Variants in TEX14 observed in about 807,000 individuals in gnomAD.
TEX14 encodes testis expressed 14, intercellular bridge forming factor.
A neutral mutation model predicts 178.6 loss-of-function variants in TEX14; 168 were observed. That is an observed-to-expected ratio of 0.94 (90% CI 0.83 to 1.07). TEX14 has a LOEUF of 1.07. Among genes scored for constraint, TEX14 ranks in the 50% least tolerant of loss-of-function variants. The probability of loss-of-function intolerance (pLI) is 0.00; values close to 1 mark genes in which losing one functional copy is unlikely to be tolerated. For missense variants in TEX14, 1,730 were observed against 1,753.6 expected (o/e 0.99, Z 0.24); for synonymous variants, 626 against 634.1 (o/e 0.99, Z 0.19).
intron 1 of TEX14, among the ~76,000 whole-genome samples, chr17:58,681,355 G>C (rs2047497970): frequency 6.6e-6 from 1 of 152,124 alleles, no homozygotes; most frequent in Admixed American, 6.6e-5. Flanking sequence ...AAAGAATATT[G>C]GGACAAGGAG....
At chr17:58,560,219 T>C (rs2044246731) in intron 29 of TEX14, among the ~76,000 whole-genome samples, 1 of 152,260 alleles carries the variant, frequency 6.6e-6, no homozygotes, top group African/African-American at 2.4e-5. Flanking sequence ...CAAAATAACA[T>C]TGTTTAGGGA....
At chr17:58,601,083 T>TAA (rs879471535) in intron 13 of TEX14, among the ~76,000 whole-genome samples, 3 of 143,386 alleles carry the variant, frequency 2.1e-5, no homozygotes, top group African/African-American at 2.6e-5. Context: ...ACCTCATCTC[T>TAA]AAAAAAAAAA....
rs186859795 is a variant in TEX14 at position 58,604,717 on chromosome 17, C to T, written c.1336+261G>A. Among the ~76,000 whole-genome samples the T allele has an allele frequency of 7.0e-3, 1,067 of 151,608 alleles. 3 individuals carry two copies. The highest frequency in any genetic ancestry group is 0.021 in the Middle Eastern group (6 of 292). On this transcript the variant is annotated intron_variant, in intron 11 of 31. Transcript: ENST00000349033. ...CTGGGACTACAGGCACGTGCCACCA[C>T]GCCCAGCTAATTTTTGTATTTTTAG...
Position 58,613,411 on chromosome 17 carries a change from A to G in TEX14, c.1005+10T>C. 6.2e-7 allele frequency: 1 copy of G among 1,613,998 alleles called. No individual in the cohort carries two copies. The highest frequency in any genetic ancestry group is 1.1e-5 in the South Asian group (1 of 91,062). ...TCAGCAATGGAAAATCCACGGAAAC[A>G]GCAGTTTACTCGTTCATGAAGGACA... is the stretch of plus-strand genomic sequence containing the variant. On this transcript the variant is annotated intron_variant, in intron 9 of 31. Coordinates refer to ENST00000349033, the MANE Select transcript of TEX14 (RefSeq NM_031272.5).
At chr17:58,631,495 G>A (rs1030684391) in intron 2 of TEX14, 1 of 151,698 alleles carries the variant, frequency 6.6e-6, no homozygotes. Flanking sequence ...CACACAAAAA[G>A]CACTCTGCAC....
At position 58,603,362 on chromosome 17, in the gene TEX14, T is replaced by G. The variant is rs562809425; in HGVS notation, c.1337-772A>C. ...CTGAGGTCAGAGGTTGAAACCAGCC[T>G]GGCCAACACAGTGAAATCCCATCCC... On this transcript the variant is annotated intron_variant, in intron 11 of 31. Coordinates refer to ENST00000349033, the MANE Select transcript of TEX14 (RefSeq NM_031272.5). 2.7e-5 allele frequency among the ~76,000 whole-genome samples: 4 copies of G among 150,750 alleles called. No homozygotes were observed. In the South Asian group the frequency reaches 8.4e-4, roughly 32 times the overall value.
At chr17:58,563,723 T>C (rs2044335967) in intron 28 of TEX14, among the ~76,000 whole-genome samples, 1 of 139,380 alleles carries the variant, frequency 7.2e-6, no homozygotes, top group Non-Finnish European at 1.5e-5. Flanking sequence ...TACATATGTA[T>C]GTATATAGAG....
At chr17:58,690,433 T>C (rs1044093132) in intron 1 of TEX14, among the ~76,000 whole-genome samples, 1 of 152,220 alleles carries the variant, frequency 6.6e-6, no homozygotes, top group Non-Finnish European at 1.5e-5. Context: ...CCCAAAGTGC[T>C]TGGATTCCAG....
intron 5 of TEX14, among the ~76,000 whole-genome samples, chr17:58,621,371 C>A (rs1209122755): frequency 6.6e-6 from 1 of 152,220 alleles, no homozygotes; most frequent in Admixed American, 6.5e-5. Flanking sequence ...GCTCCTCAGA[C>A]CTGAGATGTT....
intron 26 of TEX14, among the ~76,000 whole-genome samples, chr17:58,566,036 A>C (rs1174737468): frequency 3.3e-5 from 5 of 152,182 alleles, no homozygotes; most frequent in Admixed American, 2.6e-4. Context: ...TTAGCCCTTC[A>C]TGTGATTCTG....
chr17:58,589,872 G>C (rs975362685), intron 15 of TEX14, among the ~76,000 whole-genome samples: 3 of 151,576 alleles, frequency 2.0e-5, no homozygotes, highest in African/African-American at 2.4e-5. Context: ...GCTAGTTTTT[G>C]TATTTTTGGT....
chr17:58,658,973 C>G (rs1224874317), intron 1 of TEX14, among the ~76,000 whole-genome samples: 1 of 151,782 alleles, frequency 6.6e-6, no homozygotes, highest in Non-Finnish European at 1.5e-5. Context: ...ATTTTTCCAC[C>G]CTTCCTAGAA....
At chr17:58,659,237 G>A (rs71372848) in intron 1 of TEX14, 18 of 560,278 alleles carry the variant, frequency 3.2e-5, no homozygotes, top group East Asian at 2.1e-4. Flanking sequence ...CAAACACATA[G>A]TAAAAACCCT....
chr17:58,577,695 C>T (rs1178765881), intron 20 of TEX14, among the ~76,000 whole-genome samples: 1 of 152,168 alleles, frequency 6.6e-6, no homozygotes, highest in Non-Finnish European at 1.5e-5. Flanking sequence ...ACTCAGAATA[C>T]AATCAAGCTA....
intron 23 of TEX14, 124 bp from the exon 24 acceptor site, chr17:58,572,250 ATT>A: frequency 6.5e-6 from 4 of 617,162 alleles, no homozygotes; most frequent in South Asian, 6.2e-5. Context: ...CTTTTACATT[ATT>A]AAAACAAACA....
intron 28 of TEX14, among the ~76,000 whole-genome samples, chr17:58,563,483 C>T (rs1330250437): frequency 7.3e-5 from 11 of 151,110 alleles, no homozygotes; most frequent in Admixed American, 7.3e-4. Context: ...CAACAAATAA[C>T]CCTATCAAAA....
At chr17:58,652,469 C>T (rs1471953451) in intron 1 of TEX14, among the ~76,000 whole-genome samples, 1 of 152,112 alleles carries the variant, frequency 6.6e-6, no homozygotes, top group Non-Finnish European at 1.5e-5. Flanking sequence ...CTCCTTCCTG[C>T]CATCACGTGA....
intron 1 of TEX14, among the ~76,000 whole-genome samples, chr17:58,691,147 C>T (rs1484473967): frequency 6.6e-6 from 1 of 152,034 alleles, no homozygotes; most frequent in Non-Finnish European, 1.5e-5. Context: ...CGAGCCACTG[C>T]GCCCGGCCAG....
intron 21 of TEX14, among the ~76,000 whole-genome samples, chr17:58,576,440 C>T (rs150149563): frequency 9.1e-4 from 138 of 151,424 alleles, no homozygotes; most frequent in African/African-American, 3.0e-3. Context: ...GCTGAGATCA[C>T]GCCACTGCAG....
Sources: gnomAD v4.1 joint callset for allele counts (sites outside exome capture counted in the v4.1 genomes callset) on GRCh38, gnomAD v4.1.1 for gene constraint, MANE v1.5 for transcripts, NCBI Gene and HGNC (gene_info 2026-07-23, HGNC 2026-07-21) for gene names.